WDR70: variants seen among roughly 807,000 people sequenced by gnomAD.
The protein encoded by WDR70 is WD repeat-containing protein 70.
Under a neutral mutation model 88.6 loss-of-function variants are expected in WDR70, and 53 were observed. The observed-to-expected ratio is 0.60, with a 90% CI of 0.48 to 0.75. The LOEUF is 0.75. Among genes scored for constraint, WDR70 ranks in the 30% least tolerant of loss-of-function variants. The pLI is 0.00. For synonymous variants in WDR70, 280 were observed against 270.0 expected (o/e 1.04, Z -0.36); for missense variants, 610 against 823.2 (o/e 0.74, Z 3.17).
chr5:37,415,433 G>A (rs1367681717), intron 5 of WDR70, among the ~76,000 whole-genome samples: 1 of 94,504 alleles, frequency 1.1e-5, no homozygotes, highest in Non-Finnish European at 2.8e-5. Context: ...CCTCCCTCCC[G>A]GACGGGGCGG....
chr5:37,622,759 G>A (rs993244615), intron 10 of WDR70, among the ~76,000 whole-genome samples: 8 of 151,992 alleles, frequency 5.3e-5, no homozygotes, highest in African/African-American at 1.9e-4. Context: ...GGGGAGCGGG[G>A]AGGGATAGCA....
In WDR70 at chr5:37,559,844, T is replaced by TA. The variant is rs199731767; in HGVS notation, c.917+43270dup. Among the ~76,000 whole-genome samples the TA allele has an allele frequency of 8.4e-3, 933 of 111,072 alleles. 1 individual carries two copies. The highest frequency in any genetic ancestry group is 0.012 in the African/African-American group (378 of 30,706). The allele number at this position is 111,072 out of a possible 152,430, so 72.9% of individuals were successfully genotyped here. A position where few individuals can be genotyped will look rare whatever the true frequency, so the allele number is the denominator to read the frequency against. The stretch of plus-strand genomic sequence containing the variant: ...TGGGCAACAAGAGCAAAATTCAGTA[T>TA]AAAAAAAAAAAAAAAACTTTTTGAA... On this transcript the variant is annotated intron_variant, in intron 9 of 17. Transcript: ENST00000265107.
At chr5:37,645,387 A>C (rs940522732) in intron 10 of WDR70, among the ~76,000 whole-genome samples, 2 of 151,886 alleles carry the variant, frequency 1.3e-5, no homozygotes, top group East Asian at 3.9e-4. Flanking sequence ...ATGTTTTAAG[A>C]CTTGTTTTGT....
rs904213245 is a variant in WDR70 at position 37,701,226 on chromosome 5, G to A, written c.1277+84G>A. ...ACTTTAATGTTAATTTATATCATAC[G>A]TCTTTTAGATCTTCTGGAAAAGAGA... On this transcript the variant is annotated intron_variant, in intron 12 of 17. Coordinates refer to ENST00000265107, the MANE Select transcript of WDR70 (RefSeq NM_018034.4). 13 of 844,906 alleles carry A rather than the reference G, an allele frequency of 1.5e-5. No homozygotes were observed. In the Middle Eastern group the frequency reaches 1.5e-3, roughly 98 times the overall value. 52.3% of individuals were successfully genotyped at this position (844,906 alleles called of 1,614,324 possible).
At chr5:37,711,786 A>G (rs1414527469) in intron 13 of WDR70, among the ~76,000 whole-genome samples, 4 of 152,162 alleles carry the variant, frequency 2.6e-5, no homozygotes, top group African/African-American at 9.7e-5. Context: ...ACTAATGTTT[A>G]TTAATGTAAT....
intron 9 of WDR70, among the ~76,000 whole-genome samples, chr5:37,527,690 C>A (rs563448684): frequency 6.6e-6 from 1 of 152,278 alleles, no homozygotes; most frequent in South Asian, 2.1e-4. Flanking sequence ...TCAGAGTGAA[C>A]AGGCAACCTA....
chr5:37,748,902 A>G (rs1395008400), intron 17 of WDR70, among the ~76,000 whole-genome samples: 1 of 152,196 alleles, frequency 6.6e-6, no homozygotes, highest in Non-Finnish European at 1.5e-5. Flanking sequence ...CAAAACCACA[A>G]TGAGATACCA....
intron 10 of WDR70, among the ~76,000 whole-genome samples, chr5:37,660,053 A>G (rs1745660707): frequency 6.6e-6 from 1 of 152,224 alleles, no homozygotes; most frequent in Non-Finnish European, 1.5e-5. Context: ...AGAAGTGTGT[A>G]GTATAATTTC....
In WDR70 at chr5:37,724,999, A is replaced by C. The variant is rs759353799; in HGVS notation, c.1663A>C (p.Arg555=). Residue 555 remains arginine, a synonymous_variant, in exon 16 of 18, where the codon AGA becomes CGA. Coordinates refer to ENST00000265107, the MANE Select transcript of WDR70 (RefSeq NM_018034.4). ...TACAAGGAAACAGCTGGAGAAGGAC[A>C]GACTGGATCCCCTGAAGTCGCATAA... ...RSTRKQLEKD[R]LDPLKSHKPE... is the part of the protein sequence containing the mutation. 14 of 1,613,720 alleles carry C rather than the reference A, an allele frequency of 8.7e-6. No individual in the cohort carries two copies. Among genetic ancestry groups the C allele is most frequent in the Admixed American group, 1.7e-5 (1 of 59,982 alleles).
chr5:37,595,552 A>G (rs1743677698), intron 9 of WDR70, among the ~76,000 whole-genome samples: 1 of 152,194 alleles, frequency 6.6e-6, no homozygotes, highest in Non-Finnish European at 1.5e-5. Context: ...TCTCAATTAA[A>G]TTCCAGTTGA....
At chr5:37,604,655 C>T (rs532289440) in intron 9 of WDR70, among the ~76,000 whole-genome samples, 4 of 152,200 alleles carry the variant, frequency 2.6e-5, no homozygotes, top group East Asian at 1.9e-4. Flanking sequence ...AGTGTGTTTT[C>T]TGGTGTATGT....
chr5:37,543,929 T>G (rs1023096197), intron 9 of WDR70, among the ~76,000 whole-genome samples: 8 of 152,082 alleles, frequency 5.3e-5, no homozygotes, highest in African/African-American at 1.9e-4. Context: ...CTGCCACACC[T>G]GGCTAATCTT....
intron 9 of WDR70, among the ~76,000 whole-genome samples, chr5:37,523,510 T>C (rs2112281039): frequency 6.6e-6 from 1 of 152,190 alleles, no homozygotes; most frequent in Non-Finnish European, 1.5e-5. Flanking sequence ...CAAAGGTAGA[T>C]AAAACCACAA....
In WDR70 at chr5:37,499,587, T is replaced by TTCTCTCTCTCTCTC. The variant is rs72226896; in HGVS notation, c.841-16898_841-16885dup. ...TTTTTAAATATGTGATTTGGAAATA[T>TTCTCTCTCTCTCTC]TCTCTCTCTCTCTCTCTCTCTCTCT... On this transcript the variant is annotated intron_variant, in intron 8 of 17. Transcript: ENST00000265107. Among the ~76,000 whole-genome samples the TTCTCTCTCTCTCTC allele has an allele frequency of 1.6e-3, 69 of 41,844 alleles. 3 individuals carry two copies. The highest frequency in any genetic ancestry group is 4.0e-3 in the African/African-American group (68 of 17,000). 27.5% of individuals were successfully genotyped at this position (41,844 alleles called of 152,430 possible).
At chr5:37,452,100 A>G (rs965820161) in intron 7 of WDR70, among the ~76,000 whole-genome samples, 1 of 152,166 alleles carries the variant, frequency 6.6e-6, no homozygotes, top group Non-Finnish European at 1.5e-5. Context: ...TCATTGTTCT[A>G]GTTTCTGATT....
chr5:37,559,992 T>A (rs112931133), intron 9 of WDR70, among the ~76,000 whole-genome samples: 1 of 152,198 alleles, frequency 6.6e-6, no homozygotes, highest in East Asian at 1.9e-4. Flanking sequence ...TTTGTGTTAT[T>A]GTATTTATTG....
At position 37,617,727 on chromosome 5, in the gene WDR70, G is replaced by A. The variant is rs74606279; in HGVS notation, c.1092+12489G>A. Reference sequence around the variant, plus strand: ...GTATTTGTTGAATTAAATCTCAAGGGCTTTATTTACCTGCACTGTAGATAC... The same window carrying A: ...GTATTTGTTGAATTAAATCTCAAGGACTTTATTTACCTGCACTGTAGATAC... On this transcript the variant is annotated intron_variant, in intron 10 of 17. Coordinates refer to ENST00000265107, the MANE Select transcript of WDR70 (RefSeq NM_018034.4). Among the ~76,000 whole-genome samples, 71 of 152,228 alleles carry A rather than the reference G, an allele frequency of 4.7e-4. No homozygotes were observed. In the East Asian group the frequency reaches 0.014, roughly 29 times the overall value.
chr5:37,710,048 G>A (rs915596320), intron 13 of WDR70, among the ~76,000 whole-genome samples: 2 of 151,690 alleles, frequency 1.3e-5, no homozygotes, highest in African/African-American at 4.8e-5. Context: ...ACAGTTGAAT[G>A]TTTATTTGTA....
chr5:37,506,548 G>A (rs1325845796), intron 8 of WDR70: 17 of 771,754 alleles, frequency 2.2e-5, no homozygotes, highest in East Asian at 9.8e-5. Context: ...AAAGTGCTCC[G>A]TGTAGTTGTA....
Sources: gnomAD v4.1 joint callset for allele counts (sites outside exome capture counted in the v4.1 genomes callset) on GRCh38, gnomAD v4.1.1 for gene constraint, MANE v1.5 for transcripts, NCBI Gene and HGNC (gene_info 2026-07-23, HGNC 2026-07-21) for gene names.